NAV2: variants seen among roughly 807,000 people sequenced by gnomAD.
NAV2 encodes helicase, APC down-regulated 1.
In NAV2, 54 loss-of-function variants were observed where a neutral mutation model predicts 223.2. That is an observed-to-expected ratio of 0.24 (90% confidence interval 0.19 to 0.30). The LOEUF (loss-of-function observed/expected upper bound fraction) is 0.30, where lower values mean the gene tolerates loss of function less well. Ranked by LOEUF, NAV2 falls within the 10% of genes least tolerant of loss-of-function variation. The pLI, the probability that NAV2 is intolerant of heterozygous loss-of-function variation, is 1.00. For synonymous variants in NAV2, 1,279 were observed against 1,239.3 expected (o/e 1.03, Z -0.67); for missense variants, 2,806 against 3,147.5 (o/e 0.89, Z 2.60).
intron 8 of NAV2, among the ~76,000 whole-genome samples, chr11:19,941,386 A>T (rs927894501): frequency 1.4e-5 from 2 of 144,430 alleles, no homozygotes; most frequent in Non-Finnish European, 1.5e-5. Flanking sequence ...ATGTCTTTAT[A>T]TTCAAGCAGT....
chr11:19,593,318 G>T (rs2046114241), intron 1 of NAV2, among the ~76,000 whole-genome samples: 1 of 152,056 alleles, frequency 6.6e-6, no homozygotes, highest in African/African-American at 2.4e-5. Context: ...CATTCAGGTT[G>T]TCTGTCTATA....
Position 19,948,999 on chromosome 11 carries a change from G to A in NAV2, c.2564G>A (p.Gly855Asp), listed in dbSNP as rs766195871. ...GCAGGAGATGAGATGGACCTGGAAG[G>A]CATCAGCATGGATGCCCCCGGCTAC... ...DKAGDEMDLEGISMDAPGYMS... is the reference protein window; with the variant it reads ...DKAGDEMDLEDISMDAPGYMS... The change falls in exon 10 of 38, where the codon GGC becomes GAC. Residue 855 changes from glycine to aspartate, a missense_variant. Gly to Asp is a moderately conservative substitution (Grantham distance 94, BLOSUM62 -1). Coordinates refer to ENST00000349880, the MANE Select transcript of NAV2 (RefSeq NM_145117.5). 3.7e-6 allele frequency: 6 copies of A among 1,613,864 alleles called. No individual in the cohort carries two copies. The highest frequency in any genetic ancestry group is 4.5e-5 in the East Asian group (2 of 44,838).
intron 1 of NAV2, among the ~76,000 whole-genome samples, chr11:19,464,631 C>T (rs913874478): frequency 2.0e-5 from 3 of 152,166 alleles, no homozygotes; most frequent in African/African-American, 7.2e-5. Flanking sequence ...AGTGGTTGCC[C>T]AGGAGATGTG....
intron 36 of NAV2, 38 bp downstream of exon 36, chr11:20,107,820 G>A (rs762780455): frequency 7.1e-7 from 1 of 1,412,040 alleles, no homozygotes; most frequent in South Asian, 1.2e-5. Flanking sequence ...TGAAGCTGAG[G>A]GGGACTGTTC....
intron 1 of NAV2, among the ~76,000 whole-genome samples, chr11:19,718,067 C>T (rs997853997): frequency 1.1e-4 from 17 of 150,720 alleles, no homozygotes; most frequent in African/African-American, 2.5e-5. Context: ...CCACCCTTCC[C>T]AGTGCAGGAA....
At chr11:19,900,728 A>T (rs1168814460) in intron 6 of NAV2, among the ~76,000 whole-genome samples, 1 of 152,198 alleles carries the variant, frequency 6.6e-6, no homozygotes, top group Non-Finnish European at 1.5e-5. Flanking sequence ...GGAAGTATTT[A>T]TACCTCATTT....
chr11:19,763,074 G>T (rs935323081), intron 1 of NAV2, among the ~76,000 whole-genome samples: 3 of 152,184 alleles, frequency 2.0e-5, no homozygotes, highest in Non-Finnish European at 4.4e-5. Context: ...CAGGAACCTT[G>T]TCTGTCTGGT....
chr11:19,834,412 C>G (rs770486530), intron 2 of NAV2, among the ~76,000 whole-genome samples: 3 of 152,186 alleles, frequency 2.0e-5, no homozygotes, highest in Non-Finnish European at 4.4e-5. Context: ...ACTTTTTACT[C>G]CAGAGATGCT....
intron 6 of NAV2, among the ~76,000 whole-genome samples, chr11:19,904,409 TA>T (rs112222963): frequency 1.1e-4 from 16 of 146,920 alleles, no homozygotes; most frequent in South Asian, 2.2e-4. Context: ...ACTGGTCTTA[TA>T]AAAAAAAAAG....
intron 1 of NAV2, among the ~76,000 whole-genome samples, chr11:19,512,106 T>C (rs2043297170): frequency 6.6e-6 from 1 of 152,158 alleles, no homozygotes; most frequent in Non-Finnish European, 1.5e-5. Context: ...ATAAACTCTC[T>C]GTTTCCCTTC....
chr11:19,934,106 G>A lies in NAV2; in HGVS notation c.1862G>A (p.Gly621Glu). 6.2e-7 allele frequency: 1 copy of A among 1,613,834 alleles called. No homozygotes were observed. Among genetic ancestry groups the A allele is most frequent in the Admixed American group, 1.7e-5 (1 of 59,954 alleles). ...SSSSSLASSE[G>E]KGPGGTTLNH... ...TCTTCCAGCCTGGCGTCCTCAGAAGGAAAAGGCCCAGGAGGGACCACCCTG... is the reference window on the plus strand; with the variant it reads ...TCTTCCAGCCTGGCGTCCTCAGAAGAAAAAGGCCCAGGAGGGACCACCCTG... The change falls in exon 7 of 38, where the codon GGA (glycine) becomes GAA (glutamate). Residue 621 changes from glycine (G) to glutamate (E), a missense_variant. Coordinates refer to ENST00000349880, the MANE Select transcript of NAV2 (RefSeq NM_145117.5).
At chr11:19,643,953 CA>C (rs1371615938) in intron 1 of NAV2, among the ~76,000 whole-genome samples, 1 of 152,358 alleles carries the variant, frequency 6.6e-6, no homozygotes, top group East Asian at 1.9e-4. Flanking sequence ...TGAGCACGTA[CA>C]TACCAGGAAC....
At chr11:19,482,990 G>A (rs568212711) in intron 1 of NAV2, among the ~76,000 whole-genome samples, 4 of 152,180 alleles carry the variant, frequency 2.6e-5, no homozygotes, top group Non-Finnish European at 5.9e-5. Context: ...TGGCTGTTGT[G>A]CACCATTGCC....
intron 1 of NAV2, among the ~76,000 whole-genome samples, chr11:19,512,713 A>T (rs1387675857): frequency 6.6e-6 from 1 of 152,244 alleles, no homozygotes; most frequent in Non-Finnish European, 1.5e-5. Context: ...GTTTGAAAAT[A>T]ACTTGGTCTC....
chr11:20,078,658 A>G (rs918328573), intron 24 of NAV2, among the ~76,000 whole-genome samples: 3 of 152,120 alleles, frequency 2.0e-5, no homozygotes, highest in African/African-American at 7.2e-5. Flanking sequence ...AGGTCTTGCC[A>G]TGTTGGCTGG....
chr11:19,593,976 C>T (rs1183374267), intron 1 of NAV2, among the ~76,000 whole-genome samples: 2 of 152,032 alleles, frequency 1.3e-5, no homozygotes, highest in Admixed American at 6.6e-5. Flanking sequence ...ACAATTAGCT[C>T]AGTTAATCCT....
intron 1 of NAV2, among the ~76,000 whole-genome samples, chr11:19,454,056 G>A (rs1851878534): frequency 6.6e-6 from 1 of 152,190 alleles, no homozygotes; most frequent in African/African-American, 2.4e-5. Flanking sequence ...TGGCTCCAAT[G>A]AAACAATGGT....
chr11:19,865,988 C>G (rs1023266626), intron 3 of NAV2, among the ~76,000 whole-genome samples: 1 of 152,158 alleles, frequency 6.6e-6, no homozygotes, highest in African/African-American at 2.4e-5. Flanking sequence ...GGTTTCTCAC[C>G]CAGCTCTGCC....
At chr11:20,070,624 G>T (rs781280992) in intron 22 of NAV2, among the ~76,000 whole-genome samples, 1 of 152,130 alleles carries the variant, frequency 6.6e-6, no homozygotes, top group Admixed American at 6.5e-5. Flanking sequence ...ATGTTTTATT[G>T]TCTGCCATCT....
Sources: allele counts gnomAD v4.1 joint callset (sites outside exome capture counted in the v4.1 genomes callset), GRCh38; gene constraint gnomAD v4.1.1; transcripts MANE v1.5; gene names NCBI Gene and HGNC (gene_info 2026-07-23, HGNC 2026-07-21).